SHC2: variants seen among roughly 807,000 people sequenced by gnomAD.
SHC2 encodes SHC-transforming protein 2.
In SHC2, 62 loss-of-function variants were observed where a neutral mutation model predicts 60.6. The ratio of observed to expected loss-of-function variants is 1.02; its 90% CI spans 0.83 to 1.26. SHC2 has a LOEUF of 1.26. Ranked by LOEUF, SHC2 falls within the 50% of genes most tolerant of loss-of-function variation. The pLI is 0.00. For synonymous variants in SHC2, 375 were observed against 372.4 expected (o/e 1.01, Z -0.08); for missense variants, 873 against 822.2 (o/e 1.06, Z -0.76).
At chr19:439,981 G>T (rs1974821986) in intron 2 of SHC2, among the ~76,000 whole-genome samples, 2 of 149,618 alleles carry the variant, frequency 1.3e-5, no homozygotes, top group Non-Finnish European at 3.0e-5. Context: ...AGCCGACACG[G>T]TGTCACTGCA....
intron 11 of SHC2, among the ~76,000 whole-genome samples, chr19:420,626 CAGG>C (rs1349227357): frequency 1.3e-5 from 2 of 152,094 alleles, no homozygotes; most frequent in African/African-American, 2.4e-5. Context: ...TTTTAGGTAC[CAGG>C]AGGAGAGAGA....
In SHC2 at chr19:441,718, T is replaced by C. The variant is rs77085325; in HGVS notation, c.469-786A>G. On this transcript the variant is annotated intron_variant, in intron 1 of 12. Coordinates refer to ENST00000264554, the MANE Select transcript of SHC2 (RefSeq NM_012435.3). The surrounding 1 kb of genome is among the most constrained non-coding windows in gnomAD (Gnocchi z 4.9). ...GTTTCCTACTGGGGTCATGAGAAATTCTGGAATTAGACAGAAGGGGTGGTG... is the reference window on the plus strand; with the variant it reads ...GTTTCCTACTGGGGTCATGAGAAATCCTGGAATTAGACAGAAGGGGTGGTG... Among the ~76,000 whole-genome samples, 2,361 of 152,268 alleles carry C rather than the reference T, an allele frequency of 0.016. 70 individuals carry two copies. Among genetic ancestry groups the C allele is most frequent in the East Asian group, 0.11 (589 of 5,178 alleles).
At chr19:448,657 C>T (rs577058034) in intron 1 of SHC2, among the ~76,000 whole-genome samples, 5 of 152,272 alleles carry the variant, frequency 3.3e-5, no homozygotes, top group Non-Finnish European at 5.9e-5. Flanking sequence ...AACCAGCACC[C>T]GGGGGCCTCC....
At chr19:451,379 G>C (rs544284266) in intron 1 of SHC2, among the ~76,000 whole-genome samples, 1 of 31,156 alleles carries the variant, frequency 3.2e-5, no homozygotes, top group Non-Finnish European at 4.8e-5. Flanking sequence ...CCACGCCGTG[G>C]GCCACGTCGT....
chr19:416,860 C>T lies in SHC2; in HGVS notation c.*468G>A, dbSNP rs1050588868. 4 of 152,564 alleles carry T rather than the reference C, an allele frequency of 2.6e-5. No individual in the cohort carries two copies. Among genetic ancestry groups the T allele is most frequent in the Admixed American group, 6.5e-5 (1 of 15,286 alleles). The allele number at this position is 152,564 out of a possible 1,614,324, so 9.5% of individuals were successfully genotyped here. A position where few individuals can be genotyped will look rare whatever the true frequency, so the allele number is the denominator to read the frequency against. ...TCCTGGCCTGAGAACCCCAAAGCAC[C>T]TTAAGCGTCCCCCCTCAAAGACAAC... is the stretch of plus-strand genomic sequence containing the variant. On this transcript the variant is annotated 3_prime_UTR_variant, in exon 13 of 13. Transcript: ENST00000264554.
chr19:445,746 C>A lies in SHC2; in HGVS notation c.469-4814G>T, dbSNP rs116814704. On this transcript the variant is annotated intron_variant, in intron 1 of 12. Transcript: ENST00000264554. This position sits in a 1 kb window ranked among gnomAD's most constrained non-coding sequence, Gnocchi z 4.4. The stretch of plus-strand genomic sequence containing the variant: ...GAGCACAACCATGTCTTAAAAAACA[C>A]ATTTTTGCCGGGCGCGGTGGCTCAC... Among the ~76,000 whole-genome samples, 419 of 152,040 alleles carry A rather than the reference C, an allele frequency of 2.8e-3. 1 individual carries two copies. Among genetic ancestry groups the A allele is most frequent in the African/African-American group, 9.4e-3 (390 of 41,480 alleles).
At chr19:439,890 G>A (rs989401952) in intron 2 of SHC2, among the ~76,000 whole-genome samples, 2 of 152,006 alleles carry the variant, frequency 1.3e-5, no homozygotes, top group African/African-American at 4.8e-5. Flanking sequence ...GCTGGGTGTG[G>A]TGGTGGGCGC....
intron 1 of SHC2, 151 bp downstream of exon 1, chr19:460,378 C>T (rs529290121): frequency 9.1e-6 from 3 of 329,874 alleles, no homozygotes; most frequent in Non-Finnish European, 1.6e-5. Flanking sequence ...AGCCGCCGGC[C>T]GCCGGCCGGG....
intron 12 of SHC2, among the ~76,000 whole-genome samples, chr19:418,515 T>C (rs545930657): frequency 1.3e-5 from 2 of 152,140 alleles, no homozygotes; most frequent in African/African-American, 4.8e-5. Context: ...AGCGGGACAT[T>C]ATCCAGCCGA....
intron 1 of SHC2, 24 bp downstream of exon 1, chr19:460,505 C>A: frequency 1.1e-6 from 1 of 919,010 alleles, no homozygotes; most frequent in Non-Finnish European, 1.3e-6. Context: ...GAACGGGCTC[C>A]CGGGGGGGGT....
rs116521620 is a variant in SHC2, at chr19:424,761, G to A, written c.1309+336C>T. Among the ~76,000 whole-genome samples the A allele has an allele frequency of 6.0e-3, 921 of 152,278 alleles. 5 individuals carry two copies. Among genetic ancestry groups the A allele is most frequent in the African/African-American group, 8.0e-3 (334 of 41,564 alleles). The stretch of plus-strand genomic sequence containing the variant: ...AGCGGCATTCCCAACCAGACTGGGG[G>A]TTCAGCAGGGAGGCCCCGGGAGATG... On this transcript the variant is annotated intron_variant, in intron 10 of 12. Transcript: ENST00000264554. The surrounding 1 kb of genome is among the most constrained non-coding windows in gnomAD (Gnocchi z 4.5).
Position 446,123 on chromosome 19 carries a change from G to A in SHC2, c.469-5191C>T, listed in dbSNP as rs892616056. Among the ~76,000 whole-genome samples, 8 of 151,810 alleles carry A rather than the reference G, an allele frequency of 5.3e-5. No homozygotes were observed. The highest frequency in any genetic ancestry group is 1.0e-4 in the Non-Finnish European group (7 of 67,970). On this transcript the variant is annotated intron_variant, in intron 1 of 12. Coordinates refer to ENST00000264554, the MANE Select transcript of SHC2 (RefSeq NM_012435.3). The surrounding 1 kb of genome is among the most constrained non-coding windows in gnomAD (Gnocchi z 5.4). ...GACAGAGACACAGAAGGGAGGGGCC[G>A]TGTGCAGCCGAGGACACCAAGGCCG...
chr19:449,488 C>T lies in SHC2; in HGVS notation c.469-8556G>A, dbSNP rs978588488. Among the ~76,000 whole-genome samples the T allele has an allele frequency of 3.9e-5, 6 of 152,178 alleles. No homozygotes were observed. The East Asian group carries it at 5.8e-4, about 15-fold the overall frequency. On this transcript the variant is annotated intron_variant, in intron 1 of 12. Coordinates refer to ENST00000264554, the MANE Select transcript of SHC2 (RefSeq NM_012435.3). Reference sequence around the variant, plus strand: ...TGAAAATGTGATCGCAGGATTGTAACGGTACATTTCCTGACTTTGTTAATC... The same window carrying T: ...TGAAAATGTGATCGCAGGATTGTAATGGTACATTTCCTGACTTTGTTAATC...
rs1196569032 is a variant in SHC2, at chr19:436,273, C to A, written c.845G>T (p.Cys282Phe). The change falls in exon 7 of 13, where the codon TGC (cysteine) becomes TTC (phenylalanine). Residue 282 changes from cysteine (C) to phenylalanine (F), a missense_variant. Cys to Phe is a radical substitution (Grantham distance 205). Transcript: ENST00000264554. ...INQRACHILE[C>F]CEGLAQSIIS... is the part of the protein sequence containing the mutation. Reference sequence around the variant, plus strand: ...GATGCTCTGTGCCAGGCCCTCACAGCACTCCAGGATGTGGCAGGCTGCGGG... The same window carrying A: ...GATGCTCTGTGCCAGGCCCTCACAGAACTCCAGGATGTGGCAGGCTGCGGG... The A allele has an allele frequency of 6.3e-7, 1 of 1,594,754 alleles. No homozygotes were observed. The highest frequency in any genetic ancestry group is 8.5e-7 in the Non-Finnish European group (1 of 1,171,482).
chr19:431,607 G>A (rs369639139), intron 8 of SHC2, among the ~76,000 whole-genome samples: 577 of 31,724 alleles, frequency 0.018, no homozygotes, highest in African/African-American at 0.031. Context: ...GCAGATAGAT[G>A]GCGCTTCATC....
intron 11 of SHC2, among the ~76,000 whole-genome samples, chr19:421,037 G>A (rs866636575): frequency 3.3e-5 from 5 of 151,662 alleles, no homozygotes; most frequent in Admixed American, 6.6e-5. Context: ...GTGACAGAGC[G>A]AGACTCCATC....
rs541447874 is a variant in SHC2 at position 422,730 on chromosome 19, T to G, written c.1310-274A>C. ...AACAGCAGCTCTTTCTTTCAGAGGT[T>G]AACTCCTATTTCTTTTTCCTGCCTT... On this transcript the variant is annotated intron_variant, in intron 10 of 12. Coordinates refer to ENST00000264554, the MANE Select transcript of SHC2 (RefSeq NM_012435.3). This position sits in a 1 kb window ranked among gnomAD's most constrained non-coding sequence, Gnocchi z 5.0. 195 of 375,006 alleles carry G rather than the reference T, an allele frequency of 5.2e-4. 1 individual carries two copies. In the South Asian group the frequency reaches 0.011, roughly 21 times the overall value. 23.2% of individuals were successfully genotyped at this position (375,006 alleles called of 1,614,324 possible). A position where few individuals can be genotyped will look rare whatever the true frequency, so the allele number is the denominator to read the frequency against.
intron 1 of SHC2, among the ~76,000 whole-genome samples, chr19:442,904 T>C (rs1444998320): frequency 1.8e-5 from 2 of 113,580 alleles, no homozygotes; most frequent in African/African-American, 3.5e-5. Flanking sequence ...GATGAATGGA[T>C]GGATGGACGG....
At position 453,819 on chromosome 19, in the gene SHC2, C is replaced by T. The variant is rs1975262019; in HGVS notation, c.468+6710G>A. Reference sequence around the variant, plus strand: ...GGGCCTGGGCTCCACGCACCTGGAGCAGAGCCAGACACGCACAGGAAACTC... The same window carrying T: ...GGGCCTGGGCTCCACGCACCTGGAGTAGAGCCAGACACGCACAGGAAACTC... On this transcript the variant is annotated intron_variant, in intron 1 of 12. Coordinates refer to ENST00000264554, the MANE Select transcript of SHC2 (RefSeq NM_012435.3). The surrounding 1 kb of genome is among the most constrained non-coding windows in gnomAD (Gnocchi z 6.3). Among the ~76,000 whole-genome samples, 1 of 152,174 alleles carries T rather than the reference C, an allele frequency of 6.6e-6. No individual in the cohort carries two copies.
Sources: allele counts gnomAD v4.1 joint callset (sites outside exome capture counted in the v4.1 genomes callset), GRCh38; gene constraint gnomAD v4.1.1; non-coding constraint Gnocchi (gnomAD v3.1); transcripts MANE v1.5; gene names NCBI Gene and HGNC (gene_info 2026-07-23, HGNC 2026-07-21).